The following KLRG1 variants were observed in gnomAD, a reference collection of about 807,000 sequenced individuals.
KLRG1 encodes the protein killer cell lectin like receptor G1.
In KLRG1, 16 loss-of-function variants were observed where a neutral mutation model predicts 21.8. The observed-to-expected ratio is 0.73, with a 90% confidence interval of 0.50 to 1.11. The LOEUF is 1.11. KLRG1 is among the 50% of genes most tolerant of loss of function. KLRG1 has a pLI of 0.00. For missense variants in KLRG1, 173 were observed against 218.3 expected, an observed-to-expected ratio of 0.79 and a Z score of 1.31; for synonymous variants, 69 against 75.9, an observed-to-expected ratio of 0.91 and a Z score of 0.47.
chr12:9,099,475 G>C, the KLRG1 span: 10 of 1,609,882 alleles, frequency 6.2e-6, no homozygotes, highest in Non-Finnish European at 7.6e-6. Context: ...CCGAGCGACA[G>C]GAGCAATGTC....
At chr12:9,070,444 A>G in the KLRG1 span, 10 of 1,286,338 alleles carry the variant, frequency 7.8e-6, no homozygotes, top group South Asian at 9.8e-5. Context: ...GGATACATAC[A>G]TCATTAAATA....
the KLRG1 span, chr12:9,164,363 G>A: frequency 3.9e-6 from 5 of 1,289,428 alleles, no homozygotes; most frequent in African/African-American, 7.4e-5. Context: ...ATTGGGATTT[G>A]TAAGAAAAAT....
At chr12:9,157,638 CT>C in the KLRG1 span, 1 of 840,680 alleles carries the variant, frequency 1.2e-6, no homozygotes, top group Admixed American at 2.4e-5. Context: ...AACCAAAGAG[CT>C]TATCAGTCTG....
chr12:9,196,616 C>G, the KLRG1 span: 3 of 1,613,688 alleles, frequency 1.9e-6, no homozygotes, highest in Non-Finnish European at 2.5e-6. Context: ...AGCTTCATTT[C>G]AAAGCCCGTA....
In KLRG1 at chr12:8,992,192, C is replaced by T; in HGVS notation, c.83-14C>T. 6.3e-7 allele frequency: 1 copy of T among 1,599,108 alleles called. No individual in the cohort carries two copies. The highest frequency in any genetic ancestry group is 1.7e-4 in the Middle Eastern group (1 of 5,994). On this transcript the variant is annotated splice_polypyrimidine_tract_variant and intron_variant, in intron 1 of 4. Transcript: ENST00000356986. ...CATCTGACTCAGGATTGTGCTTTGA[C>T]TCTGTTGTTGCAGCTTCCTCTTCCA...
At chr12:9,063,566 C>T in the KLRG1 span, among the ~76,000 whole-genome samples, 1 of 152,030 alleles carries the variant, frequency 6.6e-6, no homozygotes, top group African/African-American at 2.4e-5. Flanking sequence ...ATTTTAATTC[C>T]AAGATTCCCA....
chr12:9,024,269 C>T, the KLRG1 span, among the ~76,000 whole-genome samples: 5 of 151,962 alleles, frequency 3.3e-5, no homozygotes, highest in Admixed American at 1.3e-4. Context: ...TCAGGTGATC[C>T]GCCCACCTCA....
the KLRG1 span, chr12:9,077,418 T>C: frequency 6.2e-7 from 1 of 1,612,330 alleles, no homozygotes; most frequent in Non-Finnish European, 8.5e-7. Flanking sequence ...CTTCTACTCC[T>C]CCCTGTGAAT....
chr12:9,046,285 C>T, the KLRG1 span, among the ~76,000 whole-genome samples: 1 of 152,064 alleles, frequency 6.6e-6, no homozygotes, highest in Non-Finnish European at 1.5e-5. Flanking sequence ...GTATAATATA[C>T]ACATAATGGG....
chr12:9,200,159 G>T, the KLRG1 span, among the ~76,000 whole-genome samples: 1 of 152,112 alleles, frequency 6.6e-6, no homozygotes, highest in Admixed American at 6.5e-5. Context: ...AATACGGAAA[G>T]ATGTTTATTG....
the KLRG1 span, chr12:9,153,412 C>T: frequency 7.6e-7 from 1 of 1,312,020 alleles, no homozygotes; most frequent in Non-Finnish European, 1.1e-6. Context: ...CCCCCAAAGT[C>T]TGTGTTAGCC....
the KLRG1 span, chr12:9,192,098 G>T: frequency 9.5e-7 from 1 of 1,055,640 alleles, no homozygotes; most frequent in Non-Finnish European, 1.5e-6. Flanking sequence ...ATTGTGAAGG[G>T]ATGATGGAAA....
chr12:9,027,861 A>G, the KLRG1 span: 2 of 926,008 alleles, frequency 2.2e-6, no homozygotes, highest in African/African-American at 3.2e-5. Flanking sequence ...ACTCCCACCA[A>G]AACCACCTCC....
At chr12:8,990,036 T>C (rs1946921269) in intron 1 of KLRG1, among the ~76,000 whole-genome samples, 1 of 152,234 alleles carries the variant, frequency 6.6e-6, no homozygotes, top group Admixed American at 6.5e-5. Context: ...ATTTTATCTC[T>C]TTAGTTATAT....
At chr12:9,023,734 T>G in the KLRG1 span, among the ~76,000 whole-genome samples, 6 of 151,720 alleles carry the variant, frequency 4.0e-5, 1 homozygote, top group South Asian at 6.3e-4. Context: ...TAAAAAAAAT[T>G]TTGTAGAGAT....
the KLRG1 span, among the ~76,000 whole-genome samples, chr12:9,039,805 TACTC>T: frequency 6.6e-6 from 1 of 152,262 alleles, no homozygotes; most frequent in Non-Finnish European, 1.5e-5. Flanking sequence ...CTTTTGATAA[TACTC>T]AGACACAAAT....
the KLRG1 span, among the ~76,000 whole-genome samples, chr12:9,180,170 C>T: frequency 1.3e-5 from 2 of 152,178 alleles, no homozygotes; most frequent in Admixed American, 6.5e-5. Context: ...TTTTAGGGTA[C>T]ATGTGCACAT....
At chr12:9,092,410 GC>G in the KLRG1 span, among the ~76,000 whole-genome samples, 1 of 147,694 alleles carries the variant, frequency 6.8e-6, no homozygotes. Flanking sequence ...GTGGCTACCC[GC>G]CCCCACCACC....
the KLRG1 span, among the ~76,000 whole-genome samples, chr12:9,114,684 C>T: frequency 1.3e-4 from 20 of 151,468 alleles, no homozygotes; most frequent in East Asian, 1.5e-3. Context: ...TATACATATA[C>T]GTATGTATAC....
Sources: gnomAD v4.1 joint callset for allele counts (sites outside exome capture counted in the v4.1 genomes callset) on GRCh38, gnomAD v4.1.1 for gene constraint, MANE v1.5 for transcripts, NCBI Gene and HGNC (gene_info 2026-07-23, HGNC 2026-07-21) for gene names.